The following SLC25A30 variants were observed in gnomAD, a reference collection of about 807,000 sequenced individuals.
The protein encoded by SLC25A30 is kidney mitochondrial carrier protein 1.
In SLC25A30, 29 loss-of-function variants were observed where a neutral mutation model predicts 42.7. The observed-to-expected ratio is 0.68, with a 90% confidence interval of 0.51 to 0.93. The LOEUF (loss-of-function observed/expected upper bound fraction) is 0.93. Ranked by LOEUF, SLC25A30 falls within the 40% of genes least tolerant of loss-of-function variation. The probability of loss-of-function intolerance (pLI) is 0.00; values close to 1 mark genes in which losing one functional copy is unlikely to be tolerated. For missense variants in SLC25A30, 300 were observed against 359.7 expected (o/e 0.83, Z 1.34); for synonymous variants, 124 against 131.0 (o/e 0.95, Z 0.37).
At chr13:45,432,877 C>A in the SLC25A30 span, among the ~76,000 whole-genome samples, 3 of 148,282 alleles carry the variant, frequency 2.0e-5, no homozygotes, top group Non-Finnish European at 3.0e-5. Flanking sequence ...AAAAAAAAAA[C>A]AAAAAAAAAT....
Position 45,395,971 on chromosome 13 carries a change from T to G in SLC25A30, c.*3A>C. 6.2e-7 allele frequency: 1 copy of G among 1,614,208 alleles called. No homozygotes were observed. Among genetic ancestry groups the G allele is most frequent in the South Asian group, 1.1e-5 (1 of 91,082 alleles). ...GAAAGATGTCTCATGCAGCCTTGGC[T>G]TGTCACAAATCCAATTTCTTCAACT... is the stretch of plus-strand genomic sequence containing the variant. On this transcript the variant is annotated 3_prime_UTR_variant, in exon 10 of 10. Transcript: ENST00000519676.
At chr13:45,398,747 T>G (rs1432172688) in intron 8 of SLC25A30, 193 bp downstream of exon 8, 2 of 469,738 alleles carry the variant, frequency 4.3e-6, no homozygotes, top group Non-Finnish European at 7.4e-6. Flanking sequence ...TCACAGCAGA[T>G]GGAGGTATAA....
At chr13:45,422,215 T>C (rs1373764407), upstream of SLC25A30, among the ~76,000 whole-genome samples, 1 of 152,196 alleles carries the variant, frequency 6.6e-6, no homozygotes, top group African/African-American at 2.4e-5. Context: ...ACAGGAATGA[T>C]GCAGATAATA....
chr13:45,427,422 G>T, the SLC25A30 span, among the ~76,000 whole-genome samples: 16 of 152,122 alleles, frequency 1.1e-4, no homozygotes, highest in South Asian at 1.2e-3. Context: ...ATAGACTTTT[G>T]TCACAAACCA....
In SLC25A30 at chr13:45,397,961, A is replaced by G. The variant is rs1881531842; in HGVS notation, c.754-623T>C. The G allele has an allele frequency of 6.1e-6, 6 of 985,364 alleles. No homozygotes were observed. In the South Asian group the frequency reaches 2.3e-4, roughly 39 times the overall value. The allele number at this position is 985,364 out of a possible 1,614,324, so 61.0% of individuals were successfully genotyped here. On this transcript the variant is annotated intron_variant, in intron 8 of 9. Coordinates refer to ENST00000519676, the MANE Select transcript of SLC25A30 (RefSeq NM_001010875.4). ...CATGTGGGCTCCTGAACAGGTCACA[A>G]ATAAAGAAGCAATAGTGGTAGAGAT...
Position 45,395,206 on chromosome 13 carries a change from T to TA in SLC25A30, c.*767dup. On this transcript the variant is annotated 3_prime_UTR_variant, in exon 10 of 10. Coordinates refer to ENST00000519676, the MANE Select transcript of SLC25A30 (RefSeq NM_001010875.4). The stretch of plus-strand genomic sequence containing the variant: ...TCATTGAGAAATACATATGCTTTGC[T>TA]AAAAATCATAAAGCTAATTACTAAC... The TA allele has an allele frequency of 1.0e-6, 1 of 984,712 alleles. No homozygotes were observed. The highest frequency in any genetic ancestry group is 1.7e-5 in the African/African-American group (1 of 57,364). 61.0% of individuals were successfully genotyped at this position (984,712 alleles called of 1,614,324 possible).
rs959295057 is a variant in SLC25A30, at chr13:45,394,031, CAAAG to C, written c.*1939_*1942del. On this transcript the variant is annotated 3_prime_UTR_variant, in exon 10 of 10. Coordinates refer to ENST00000519676, the MANE Select transcript of SLC25A30 (RefSeq NM_001010875.4). The stretch of plus-strand genomic sequence containing the variant: ...TTTCAAGAAAAGCAATCTTTAAACT[CAAAG>C]AACTCAAAAGTGAAAGCCTCTCTAT... 43 of 985,052 alleles carry C rather than the reference CAAAG, an allele frequency of 4.4e-5. 1 individual carries two copies. In the South Asian group the frequency reaches 1.4e-3, roughly 31 times the overall value. 61.0% of individuals were successfully genotyped at this position (985,052 alleles called of 1,614,324 possible). A position where few individuals can be genotyped will look rare whatever the true frequency, so the allele number is the denominator to read the frequency against.
At chr13:45,427,472 A>G in the SLC25A30 span, among the ~76,000 whole-genome samples, 1 of 152,072 alleles carries the variant, frequency 6.6e-6, no homozygotes, top group Non-Finnish European at 1.5e-5. Flanking sequence ...GTCCCAGGCC[A>G]TTGTATATTT....
chr13:45,424,466 A>AAAT, the SLC25A30 span, among the ~76,000 whole-genome samples: 1 of 67,776 alleles, frequency 1.5e-5, no homozygotes, highest in African/African-American at 6.0e-5. Flanking sequence ...AACATATAAA[A>AAAT]ATATATAAAT....
chr13:45,400,921 T>C (rs188475892), intron 7 of SLC25A30, among the ~76,000 whole-genome samples, 162 bp downstream of exon 7: 1 of 152,340 alleles, frequency 6.6e-6, no homozygotes, highest in Admixed American at 6.5e-5. Flanking sequence ...GGAAGATACA[T>C]ATCAAACTGT....
chr13:45,395,113 TAGC>T lies in SLC25A30; in HGVS notation c.*858_*860del. On this transcript the variant is annotated 3_prime_UTR_variant, in exon 10 of 10. Transcript: ENST00000519676. The stretch of plus-strand genomic sequence containing the variant: ...AAACACATTTACCTTTCCAGTCAAG[TAGC>T]AGCAGCTACTATTTGTTCTTCATTT... 1 of 985,490 alleles carries T rather than the reference TAGC, an allele frequency of 1.0e-6. No individual in the cohort carries two copies. Among genetic ancestry groups the T allele is most frequent in the Non-Finnish European group, 1.2e-6 (1 of 829,948 alleles). The allele number at this position is 985,490 out of a possible 1,614,324, so 61.0% of individuals were successfully genotyped here.
At chr13:45,425,053 A>AATATAGAAGTAT in the SLC25A30 span, among the ~76,000 whole-genome samples, 1 of 80,396 alleles carries the variant, frequency 1.2e-5, no homozygotes, top group Non-Finnish European at 2.2e-5. Flanking sequence ...TAAATATATA[A>AATATAGAAGTAT]ATATATAAGT....
intron 3 of SLC25A30, 44 bp downstream of exon 3, chr13:45,408,883 G>C: frequency 6.4e-7 from 1 of 1,558,560 alleles, no homozygotes; most frequent in Non-Finnish European, 8.7e-7. Flanking sequence ...ATACCCATGT[G>C]AAACAGTGAA....
the SLC25A30 span, among the ~76,000 whole-genome samples, chr13:45,429,841 A>AG: frequency 6.6e-6 from 1 of 151,950 alleles, no homozygotes; most frequent in Non-Finnish European, 1.5e-5. Context: ...TCTCAGAAAA[A>AG]AAAAAACAAA....
the SLC25A30 span, among the ~76,000 whole-genome samples, chr13:45,433,032 C>CAA: frequency 0.056 from 7,258 of 129,804 alleles, 564 homozygotes; most frequent in African/African-American, 0.16. Context: ...GACTCTTTCT[C>CAA]AAAAAAAAAA....
At chr13:45,400,418 T>C (rs892197115) in intron 7 of SLC25A30, among the ~76,000 whole-genome samples, 2 of 152,156 alleles carry the variant, frequency 1.3e-5, no homozygotes, top group African/African-American at 2.4e-5. Flanking sequence ...AGACCCCGTC[T>C]CACATAAATA....
intron 3 of SLC25A30, among the ~76,000 whole-genome samples, chr13:45,406,639 A>G (rs1396869951): frequency 6.6e-6 from 1 of 152,092 alleles, no homozygotes; most frequent in South Asian, 2.1e-4. Flanking sequence ...TCCTTCTTGA[A>G]TTGCAATCAG....
At chr13:45,396,265 G>C (rs1593593984) in intron 9 of SLC25A30, 13 of 1,360,870 alleles carry the variant, frequency 9.6e-6, no homozygotes, top group Non-Finnish European at 1.2e-5. Flanking sequence ...TGGCATCTAC[G>C]CTGATAAGCT....
rs1881124716 is a variant in SLC25A30 at position 45,393,887 on chromosome 13, T to A, written c.*2087A>T. The A allele has an allele frequency of 2.0e-6, 2 of 985,306 alleles. No individual in the cohort carries two copies. The highest frequency in any genetic ancestry group is 1.7e-5 in the African/African-American group (1 of 57,234). 61.0% of individuals were successfully genotyped at this position (985,306 alleles called of 1,614,324 possible). A position where few individuals can be genotyped will look rare whatever the true frequency, so the allele number is the denominator to read the frequency against. ...CATGTATGTAATTTGAATAAACTGGTAATAATACTGTCTGACATTCGCTCT... is the reference window on the plus strand; with the variant it reads ...CATGTATGTAATTTGAATAAACTGGAAATAATACTGTCTGACATTCGCTCT... On this transcript the variant is annotated 3_prime_UTR_variant, in exon 10 of 10. Transcript: ENST00000519676.
Sources: gnomAD v4.1 joint callset for allele counts (sites outside exome capture counted in the v4.1 genomes callset) on GRCh38, gnomAD v4.1.1 for gene constraint, MANE v1.5 for transcripts, NCBI Gene and HGNC (gene_info 2026-07-23, HGNC 2026-07-21) for gene names.